Variants in PREX2 observed in about 807,000 individuals in gnomAD.
PREX2 encodes the protein phosphatidylinositol 3,4,5-trisphosphate-dependent Rac exchanger 2 protein.
PREX2 carries 107 observed loss-of-function variants against 203.2 expected under a neutral mutation model. That is an observed-to-expected ratio of 0.53 (90% CI 0.45 to 0.62). The LOEUF (loss-of-function observed/expected upper bound fraction) is 0.62. PREX2 is among the 20% of genes least tolerant of loss of function. The probability of loss-of-function intolerance (pLI) is 0.00; values close to 1 mark genes in which losing one functional copy is unlikely to be tolerated. For missense variants in PREX2, 1,777 were observed against 1,955.9 expected, an observed-to-expected ratio of 0.91 and a Z score of 1.72; for synonymous variants, 672 against 663.6, an observed-to-expected ratio of 1.01 and a Z score of -0.19.
chr8:68,112,831 T>A (rs1215269383), intron 25 of PREX2, among the ~76,000 whole-genome samples: 1 of 152,118 alleles, frequency 6.6e-6, no homozygotes, highest in Non-Finnish European at 1.5e-5. Context: ...AATACCTACT[T>A]CATAAGGTGG....
intron 35 of PREX2, among the ~76,000 whole-genome samples, chr8:68,175,068 G>C (rs989548022): frequency 6.6e-6 from 1 of 152,206 alleles, no homozygotes; most frequent in South Asian, 2.1e-4. Context: ...TCTACCGAAC[G>C]CCATGGCTGG....
chr8:68,062,211 C>T (rs1457072641), intron 11 of PREX2, among the ~76,000 whole-genome samples: 9 of 152,088 alleles, frequency 5.9e-5, no homozygotes. Flanking sequence ...CTTTCAGCAT[C>T]CTTACCTTTT....
intron 8 of PREX2, among the ~76,000 whole-genome samples, chr8:68,048,116 A>C (rs1267269095): frequency 6.6e-6 from 1 of 152,016 alleles, no homozygotes; most frequent in Admixed American, 6.6e-5. Flanking sequence ...TTTGTGGCCA[A>C]ATTTCCATTC....
At chr8:68,056,934 G>A (rs765458800) in intron 10 of PREX2, among the ~76,000 whole-genome samples, 28 of 152,200 alleles carry the variant, frequency 1.8e-4, no homozygotes, top group Middle Eastern at 3.2e-3. Context: ...TTTACCTACA[G>A]TGCTCACTGG....
chr8:68,127,556 G>C (rs1810918747), intron 31 of PREX2, 137 bp downstream of exon 31: 2 of 503,436 alleles, frequency 4.0e-6, no homozygotes, highest in South Asian at 3.6e-5. Flanking sequence ...CAAAGCTTTG[G>C]AAAGATTAGA....
At chr8:67,958,948 T>A (rs984388659) in intron 1 of PREX2, among the ~76,000 whole-genome samples, 1 of 152,190 alleles carries the variant, frequency 6.6e-6, no homozygotes, top group Non-Finnish European at 1.5e-5. Flanking sequence ...AAGATAAGAA[T>A]GTGGAACTTG....
chr8:68,158,361 A>G lies in PREX2; in HGVS notation c.4346+925A>G, dbSNP rs569078330. Among the ~76,000 whole-genome samples, 148 of 152,174 alleles carry G rather than the reference A, an allele frequency of 9.7e-4. 2 individuals are homozygous for G. Among genetic ancestry groups the G allele is most frequent in the African/African-American group, 3.2e-3 (135 of 41,550 alleles). ...GTCAACTTAAAAGGAAGAACCTGAG[A>G]CAAAATTAGTATAAGTAGAGAGTTT... On this transcript the variant is annotated intron_variant, in intron 35 of 39. Transcript: ENST00000288368.
chr8:68,093,135 A>G (rs979581637), intron 20 of PREX2, among the ~76,000 whole-genome samples: 1 of 152,132 alleles, frequency 6.6e-6, no homozygotes, highest in African/African-American at 2.4e-5. Context: ...TCCTGCCTGT[A>G]ATCCCAGCAC....
intron 35 of PREX2, among the ~76,000 whole-genome samples, chr8:68,170,441 T>C (rs1273977763): frequency 6.6e-6 from 1 of 152,254 alleles, no homozygotes; most frequent in East Asian, 1.9e-4. Context: ...CCCGGTCTCC[T>C]GTGGAAACAC....
intron 32 of PREX2, among the ~76,000 whole-genome samples, chr8:68,135,826 A>G (rs569213924): frequency 2.0e-5 from 3 of 152,338 alleles, no homozygotes; most frequent in East Asian, 1.9e-4. Flanking sequence ...AACAACTTAT[A>G]TGTCCATCAA....
Position 67,962,677 on chromosome 8 carries a change from G to A in PREX2, c.141+10142G>A, listed in dbSNP as rs369308587. Reference sequence around the variant, plus strand: ...GCTAGAGTGCAGTGGCATGATCTCGGCTCACTGCAACCTCTGCCTCCTGGG... The same window carrying A: ...GCTAGAGTGCAGTGGCATGATCTCGACTCACTGCAACCTCTGCCTCCTGGG... On this transcript the variant is annotated intron_variant, in intron 1 of 39. Transcript: ENST00000288368. Among the ~76,000 whole-genome samples the A allele has an allele frequency of 1.7e-4, 26 of 151,528 alleles. 1 individual carries two copies. Among genetic ancestry groups the A allele is most frequent in the Admixed American group, 1.3e-3 (20 of 15,226 alleles).
At chr8:68,123,306 C>T (rs567604446) in intron 30 of PREX2, among the ~76,000 whole-genome samples, 14 of 152,088 alleles carry the variant, frequency 9.2e-5, no homozygotes, top group African/African-American at 3.1e-4. Context: ...GATTTATAAA[C>T]CTAACACCAC....
intron 11 of PREX2, among the ~76,000 whole-genome samples, chr8:68,062,217 C>CT (rs1176354113): frequency 3.3e-5 from 5 of 151,996 alleles, no homozygotes; most frequent in Non-Finnish European, 7.4e-5. Context: ...GCATCCTTAC[C>CT]TTTTTTCTAG....
rs540145255 is a variant in PREX2, at chr8:68,209,087, A to G, written c.4605-8529A>G. On this transcript the variant is annotated intron_variant, in intron 37 of 39. Coordinates refer to ENST00000288368, the MANE Select transcript of PREX2 (RefSeq NM_024870.4). Reference sequence around the variant, plus strand: ...GACTCATTTAAAAAAAAAAAAAAAAAAAAGAAAGAAAAAAGAAAAAAAGGA... The same window carrying G: ...GACTCATTTAAAAAAAAAAAAAAAAGAAAGAAAGAAAAAAGAAAAAAAGGA... Among the ~76,000 whole-genome samples, 631 of 151,452 alleles carry G rather than the reference A, an allele frequency of 4.2e-3. 3 individuals are homozygous for G. The highest frequency in any genetic ancestry group is 0.014 in the African/African-American group (559 of 41,352).
chr8:68,099,879 T>TA, intron 23 of PREX2, 36 bp downstream of exon 23: 1 of 1,504,872 alleles, frequency 6.6e-7, no homozygotes, highest in Non-Finnish European at 9.2e-7. Flanking sequence ...CAATTATTGT[T>TA]GAAATTATTA....
intron 18 of PREX2, among the ~76,000 whole-genome samples, chr8:68,084,177 A>T (rs1234168124): frequency 6.6e-6 from 1 of 152,086 alleles, no homozygotes; most frequent in African/African-American, 2.4e-5. Flanking sequence ...TATCATATTT[A>T]CCTTGAATTG....
intron 20 of PREX2, among the ~76,000 whole-genome samples, chr8:68,090,978 G>A (rs2129612229): frequency 6.6e-6 from 1 of 152,284 alleles, no homozygotes; most frequent in Non-Finnish European, 1.5e-5. Context: ...TGAGATACAA[G>A]TTCTATCAAA....
Position 68,055,978 on chromosome 8 carries a change from G to C in PREX2, c.1238+4G>C, listed in dbSNP as rs545925701. ...TCCCTAAATGCTTTCTTGGAAGGTA[G>C]GGTTGGGAGTTTGGGTGCATGACTT... On this transcript the variant is annotated splice_donor_region_variant and intron_variant, in intron 10 of 39. Transcript: ENST00000288368. The C allele has an allele frequency of 5.2e-5, 84 of 1,605,346 alleles. No individual in the cohort carries two copies. Among genetic ancestry groups the C allele is most frequent in the Non-Finnish European group, 7.0e-5 (82 of 1,177,580 alleles).
In PREX2 at chr8:68,192,436, T is replaced by C. The variant is rs1214427726; in HGVS notation, c.4515T>C (p.Ala1505=). 6.2e-7 allele frequency: 1 copy of C among 1,614,082 alleles called. No individual in the cohort carries two copies. Among genetic ancestry groups the C allele is most frequent in the Non-Finnish European group, 8.5e-7 (1 of 1,179,966 alleles). The change falls in exon 37 of 40, where the codon GCT becomes GCC. Residue 1505 remains alanine (A), a synonymous_variant. Transcript: ENST00000288368. ...CCTGTGCAAACACAGCTTGCAGTGC[T>C]TCTGGGGTTGGACTGCTGTCAGTTT... ...TAACANTACS[A]SGVGLLSVSS...
Sources: allele counts gnomAD v4.1 joint callset (sites outside exome capture counted in the v4.1 genomes callset), GRCh38; gene constraint gnomAD v4.1.1; transcripts MANE v1.5; gene names NCBI Gene and HGNC (gene_info 2026-07-23, HGNC 2026-07-21).